The following SVIL variants were observed in gnomAD, a reference collection of about 807,000 sequenced individuals.
SVIL encodes the protein supervillin, also known as archvillin.
A neutral mutation model predicts 240.4 loss-of-function variants in SVIL; 101 were observed. The ratio of observed to expected loss-of-function variants is 0.42; its 90% CI spans 0.36 to 0.50. The LOEUF (loss-of-function observed/expected upper bound fraction) is 0.50. Among genes scored for constraint, SVIL ranks in the 20% least tolerant of loss-of-function variants. The pLI is 0.01. For missense variants in SVIL, 2,512 were observed against 2,818.7 expected (o/e 0.89, Z 2.46); for synonymous variants, 999 against 1,100.0 (o/e 0.91, Z 1.82).
At chr10:29,473,377 G>C (rs112519278) in intron 30 of SVIL, among the ~76,000 whole-genome samples, 171 of 152,244 alleles carry the variant, frequency 1.1e-3, no homozygotes, top group African/African-American at 4.0e-3. Flanking sequence ...TAAGGTTCTC[G>C]TGACAAAATT....
intron 3 of SVIL, among the ~76,000 whole-genome samples, chr10:29,649,096 G>A (rs1564734956): frequency 6.6e-6 from 1 of 152,138 alleles, no homozygotes; most frequent in Non-Finnish European, 1.5e-5. Context: ...AGAGGTCAAG[G>A]CTGCAGTGAG....
intron 1 of SVIL, among the ~76,000 whole-genome samples, chr10:29,731,878 C>T (rs1204329795): frequency 6.6e-6 from 1 of 152,180 alleles, no homozygotes; most frequent in South Asian, 2.1e-4. Flanking sequence ...CTCCCATATG[C>T]GAAGAAGTTG....
intron 1 of SVIL, among the ~76,000 whole-genome samples, chr10:29,618,572 C>G (rs1176145798): frequency 6.6e-6 from 1 of 152,178 alleles, no homozygotes; most frequent in Non-Finnish European, 1.5e-5. Flanking sequence ...GCCCAAATGC[C>G]TTCTTTTCAC....
At chr10:29,483,957 C>T (rs1231683982) in intron 27 of SVIL, 3 of 152,238 alleles carry the variant, frequency 2.0e-5, no homozygotes, top group Admixed American at 6.5e-5. Context: ...TCTATTATAA[C>T]GGCACCCATA....
intron 18 of SVIL, among the ~76,000 whole-genome samples, chr10:29,496,718 G>C (rs1289099650): frequency 6.6e-6 from 1 of 152,184 alleles, no homozygotes; most frequent in Admixed American, 6.5e-5. Flanking sequence ...ATGAATTCTA[G>C]GTACAACAAC....
chr10:29,488,198 G>C (rs763128097), intron 23 of SVIL, among the ~76,000 whole-genome samples: 17 of 150,760 alleles, frequency 1.1e-4, no homozygotes, highest in Non-Finnish European at 1.9e-4. Flanking sequence ...CTGACTCGGG[G>C]AGAACTGGGC....
intron 1 of SVIL, among the ~76,000 whole-genome samples, chr10:29,724,918 A>C (rs1964203970): frequency 6.7e-6 from 1 of 148,980 alleles, no homozygotes; most frequent in Non-Finnish European, 1.5e-5. Context: ...GCTACTCAGG[A>C]GGCTGAGGCA....
chr10:29,559,956 C>T (rs561909593), intron 3 of SVIL, among the ~76,000 whole-genome samples: 2 of 152,256 alleles, frequency 1.3e-5, no homozygotes, highest in South Asian at 4.1e-4. Flanking sequence ...ATAGTTTCTT[C>T]CATTAGCTCT....
At chr10:29,625,684 G>A (rs1957835011) in intron 1 of SVIL, among the ~76,000 whole-genome samples, 1 of 152,070 alleles carries the variant, frequency 6.6e-6, no homozygotes, top group African/African-American at 2.4e-5. Flanking sequence ...GGATGGTCTC[G>A]ATCTCCTGAT....
intron 33 of SVIL, 125 bp downstream of exon 33, chr10:29,467,617 C>T: frequency 7.8e-7 from 1 of 1,278,754 alleles, no homozygotes; most frequent in East Asian, 2.5e-5. Context: ...CACTTGAGCC[C>T]AGGAGGTTGA....
At chr10:29,558,097 A>G (rs1213417976) in intron 3 of SVIL, among the ~76,000 whole-genome samples, 1 of 152,162 alleles carries the variant, frequency 6.6e-6, no homozygotes, top group Non-Finnish European at 1.5e-5. Flanking sequence ...CAGTACTAGA[A>G]TTTCAAATAC....
At chr10:29,648,584 T>C (rs1197600454) in intron 3 of SVIL, among the ~76,000 whole-genome samples, 1 of 152,144 alleles carries the variant, frequency 6.6e-6, no homozygotes. Flanking sequence ...GGCAGTTAGT[T>C]CTAAGAAAAG....
chr10:29,586,793 G>A (rs1408713197), intron 1 of SVIL, among the ~76,000 whole-genome samples: 4 of 152,160 alleles, frequency 2.6e-5, no homozygotes, highest in Non-Finnish European at 5.9e-5. Context: ...CGTAGGAACA[G>A]AAAAACCAAA....
At chr10:29,678,043 T>C (rs1201050147) in intron 2 of SVIL, among the ~76,000 whole-genome samples, 2 of 152,088 alleles carry the variant, frequency 1.3e-5, no homozygotes, top group African/African-American at 4.8e-5. Flanking sequence ...CTACCTTATC[T>C]GAAAGACAAA....
chr10:29,466,591 G>T (rs1190570649), intron 33 of SVIL, among the ~76,000 whole-genome samples: 1 of 152,050 alleles, frequency 6.6e-6, no homozygotes, highest in Admixed American at 6.6e-5. Context: ...AGAAAAATCA[G>T]AAATAAGAAA....
intron 3 of SVIL, among the ~76,000 whole-genome samples, chr10:29,641,127 G>T (rs1170008053): frequency 6.6e-6 from 1 of 152,136 alleles, no homozygotes; most frequent in African/African-American, 2.4e-5. Flanking sequence ...GTTAAAGGGG[G>T]CTGGGTGCAG....
chr10:29,509,731 T>C (rs535979467), intron 17 of SVIL, among the ~76,000 whole-genome samples: 2 of 152,082 alleles, frequency 1.3e-5, no homozygotes, highest in Non-Finnish European at 2.9e-5. Flanking sequence ...ATGCCTGTAA[T>C]CGCAGCTACT....
At chr10:29,461,538 C>T (rs1298445705) in intron 36 of SVIL, among the ~76,000 whole-genome samples, 4 of 152,074 alleles carry the variant, frequency 2.6e-5, no homozygotes, top group African/African-American at 9.7e-5. Context: ...GCAGCTCTCA[C>T]ATGGTAAAAA....
chr10:29,705,445 G>A (rs188126971), intron 1 of SVIL, among the ~76,000 whole-genome samples: 9 of 151,984 alleles, frequency 5.9e-5, no homozygotes, highest in East Asian at 1.9e-4. Flanking sequence ...GAAAGGAGGC[G>A]GAGGGAGAAT....
Sources: gnomAD v4.1 joint callset for allele counts (sites outside exome capture counted in the v4.1 genomes callset) on GRCh38, gnomAD v4.1.1 for gene constraint, MANE v1.5 for transcripts, NCBI Gene and HGNC (gene_info 2026-07-23, HGNC 2026-07-21) for gene names.